CMYA5: variants seen among roughly 807,000 people sequenced by gnomAD.
The protein encoded by CMYA5 is cardiomyopathy-associated protein 5.
A neutral mutation model predicts 318.9 loss-of-function variants in CMYA5; 246 were observed. The ratio of observed to expected loss-of-function variants is 0.77; its 90% confidence interval spans 0.70 to 0.86. The LOEUF (loss-of-function observed/expected upper bound fraction) is 0.86, where lower values mean the gene tolerates loss of function less well. Ranked by LOEUF, CMYA5 falls within the 40% of genes least tolerant of loss-of-function variation. The pLI is 0.00. For synonymous variants in CMYA5, 1,641 were observed against 1,729.5 expected, an observed-to-expected ratio of 0.95 and a Z score of 1.27; for missense variants, 4,589 against 4,678.2, an observed-to-expected ratio of 0.98 and a Z score of 0.56.
intron 9 of CMYA5, 133 bp downstream of exon 9, chr5:79,763,342 G>C: frequency 1.3e-6 from 1 of 763,072 alleles, no homozygotes. Flanking sequence ...TGAAGCCGCT[G>C]ACTTGATTTG....
intron 5 of CMYA5, among the ~76,000 whole-genome samples, chr5:79,750,137 A>G (rs1192716958): frequency 1.3e-5 from 2 of 152,122 alleles, no homozygotes; most frequent in Non-Finnish European, 2.9e-5. Flanking sequence ...ATGACATTAC[A>G]AGAAGAAGTT....
chr5:79,692,080 A>ATGATAGCTTCT lies in CMYA5; in HGVS notation c.149+2024_149+2025insTGATAGCTTCT, dbSNP rs1826979798. On this transcript the variant is annotated intron_variant, in intron 1 of 12. Coordinates refer to ENST00000446378, the MANE Select transcript of CMYA5 (RefSeq NM_153610.5). ...GTTTTATCATGCAGATGAAGCCTCC[A>ATGATAGCTTCT]GGTAGCCAGCTGGAGAGAGAATAGA... Among the ~76,000 whole-genome samples, 4 of 152,340 alleles carry ATGATAGCTTCT rather than the reference A, an allele frequency of 2.6e-5. No individual in the cohort carries two copies. The South Asian group carries it at 8.3e-4, about 32-fold the overall frequency.
chr5:79,786,102 A>G (rs1829077326), intron 9 of CMYA5, among the ~76,000 whole-genome samples: 1 of 152,208 alleles, frequency 6.6e-6, no homozygotes, highest in African/African-American at 2.4e-5. Flanking sequence ...GCTTTGTAGC[A>G]GTGGAGCTAC....
intron 5 of CMYA5, among the ~76,000 whole-genome samples, chr5:79,747,805 C>A (rs929945794): frequency 1.3e-5 from 2 of 152,152 alleles, no homozygotes; most frequent in African/African-American, 4.8e-5. Flanking sequence ...GAGGTCTTTC[C>A]TTCTGGTTTG....
At chr5:79,726,361 G>T (rs1462786429) in intron 1 of CMYA5, among the ~76,000 whole-genome samples, 1 of 152,136 alleles carries the variant, frequency 6.6e-6, no homozygotes, top group Non-Finnish European at 1.5e-5. Context: ...TAAGTGACAT[G>T]GAAGAGAGAA....
chr5:79,740,119 A>G (rs1004676544), intron 2 of CMYA5, among the ~76,000 whole-genome samples: 7 of 152,236 alleles, frequency 4.6e-5, no homozygotes, highest in Non-Finnish European at 7.3e-5. Context: ...TATTTAAAGT[A>G]TAGGAGAGGA....
chr5:79,777,766 A>G (rs931829861), intron 9 of CMYA5, among the ~76,000 whole-genome samples: 4 of 151,476 alleles, frequency 2.6e-5, no homozygotes, highest in Non-Finnish European at 5.9e-5. Context: ...CAAGAGTGAC[A>G]CTGCATCTTA....
intron 1 of CMYA5, among the ~76,000 whole-genome samples, chr5:79,717,940 G>A: frequency 2.2e-5 from 1 of 44,820 alleles, no homozygotes; most frequent in African/African-American, 1.9e-4. Flanking sequence ...CCAGGCTGGA[G>A]TGCAGTGGCG....
At position 79,709,218 on chromosome 5, in the gene CMYA5, A is replaced by C. The variant is rs534177819; in HGVS notation, c.149+19162A>C. ...AACCTCTCTGGAGGGAAAACTGTCAATATGTGTAAAAAGCCTGAAAAAATT... is the reference window on the plus strand; with the variant it reads ...AACCTCTCTGGAGGGAAAACTGTCACTATGTGTAAAAAGCCTGAAAAAATT... On this transcript the variant is annotated intron_variant, in intron 1 of 12. Coordinates refer to ENST00000446378, the MANE Select transcript of CMYA5 (RefSeq NM_153610.5). 6.9e-4 allele frequency among the ~76,000 whole-genome samples: 105 copies of C among 152,310 alleles called. 1 individual carries two copies. The highest frequency in any genetic ancestry group is 1.5e-4 in the Non-Finnish European group (10 of 68,032).
At chr5:79,796,124 A>G (rs1829271106) in intron 12 of CMYA5, among the ~76,000 whole-genome samples, 1 of 152,090 alleles carries the variant, frequency 6.6e-6, no homozygotes, top group South Asian at 2.1e-4. Context: ...GGAATGACCA[A>G]CGCTGGGCCT....
At position 79,737,641 on chromosome 5, in the gene CMYA5, C is replaced by T. The variant is rs772269585; in HGVS notation, c.8876C>T (p.Pro2959Leu). ...TGTGAGATATTGAATATTCATGCTC[C>T]GGCCTTTATTTCTTCAATCGATCAG... Reference protein sequence around the residue: ...EGCEILNIHAPAFISSIDQEE... With the variant: ...EGCEILNIHALAFISSIDQEE... Residue 2959 changes from proline to leucine, a missense_variant, in exon 2 of 13, where the codon CCG becomes CTG. By Grantham distance (98) the Pro-to-Leu change is moderately conservative. This residue lies in a region of CMYA5 where 2,431 missense variants were observed against 2,495.1 expected (regional missense o/e 0.97). Coordinates refer to ENST00000446378, the MANE Select transcript of CMYA5 (RefSeq NM_153610.5). 208 of 1,613,314 alleles carry T rather than the reference C, an allele frequency of 1.3e-4. No individual in the cohort carries two copies. The highest frequency in any genetic ancestry group is 3.3e-4 in the Middle Eastern group (2 of 6,084).
chr5:79,729,543 A>G lies in CMYA5; in HGVS notation c.778A>G (p.Arg260Gly). Residue 260 changes from arginine (R) to glycine (G), a missense_variant, in exon 2 of 13, where the codon AGG becomes GGG. Around this residue, in one of 3 missense-constraint regions of CMYA5, gnomAD observed 2,132 missense variants for 2,131.3 expected, o/e 1.00. Coordinates refer to ENST00000446378, the MANE Select transcript of CMYA5 (RefSeq NM_153610.5). ...TTATGTAATTAAAGAAATACATTAT[A>G]GGAAAGGGAAAGATGCATCCATTAG... ...KGYVIKEIHY[R>G]KGKDASISLE... The G allele has an allele frequency of 6.2e-7, 1 of 1,613,358 alleles. No individual in the cohort carries two copies. The highest frequency in any genetic ancestry group is 8.5e-7 in the Non-Finnish European group (1 of 1,179,314).
intron 1 of CMYA5, among the ~76,000 whole-genome samples, chr5:79,719,860 GA>G (rs1827587307): frequency 6.6e-6 from 1 of 152,118 alleles, no homozygotes; most frequent in African/African-American, 2.4e-5. Context: ...GGCGGATATG[GA>G]AATAAAAGAC....
intron 9 of CMYA5, among the ~76,000 whole-genome samples, chr5:79,778,484 T>C (rs1236983374): frequency 6.6e-6 from 1 of 152,192 alleles, no homozygotes; most frequent in East Asian, 1.9e-4. Context: ...TATTTTAGTT[T>C]AACTGTGCAT....
intron 6 of CMYA5, among the ~76,000 whole-genome samples, chr5:79,755,975 AT>A (rs372203539): frequency 1.4e-3 from 215 of 152,346 alleles, no homozygotes; most frequent in African/African-American, 4.8e-3. Flanking sequence ...ATACAGCTCC[AT>A]GTATAATTCA....
Position 79,730,381 on chromosome 5 carries a change from G to A in CMYA5, c.1616G>A (p.Ser539Asn). ...EEIVELDYPESPLVSEKPFPP... is the reference protein window; with the variant it reads ...EEIVELDYPENPLVSEKPFPP... ...ATCGTAGAACTTGATTACCCAGAAA[G>A]CCCATTGGTTTCCGAGAAGCCCTTC... Residue 539 changes from serine to asparagine, a missense_variant, in exon 2 of 13, where the codon AGC (serine) becomes AAC (asparagine). Physicochemically the swap from Ser to Asn is conservative, Grantham distance 46. Transcript: ENST00000446378. The A allele has an allele frequency of 6.2e-7, 1 of 1,613,880 alleles. No individual in the cohort carries two copies.
chr5:79,726,389 A>C (rs1239419738), intron 1 of CMYA5, among the ~76,000 whole-genome samples: 11 of 152,168 alleles, frequency 7.2e-5, no homozygotes. Context: ...GATGAGTTGA[A>C]AGTTTTGTGG....
rs1038279202 is a variant in CMYA5, at chr5:79,789,253, G to A, written c.11689+149G>A. 26 of 821,500 alleles carry A rather than the reference G, an allele frequency of 3.2e-5. No individual in the cohort carries two copies. In the South Asian group the frequency reaches 5.3e-4, roughly 17 times the overall value. The allele number at this position is 821,500 out of a possible 1,614,324, so 50.9% of individuals were successfully genotyped here. On this transcript the variant is annotated intron_variant, in intron 10 of 12. Coordinates refer to ENST00000446378, the MANE Select transcript of CMYA5 (RefSeq NM_153610.5). ...TCATGAGGACCCAAGGTTGGTCAAA[G>A]GTCAAGATATTTCTTTTGTTTTTCT...
At chr5:79,750,263 A>T (rs1027797642) in intron 5 of CMYA5, among the ~76,000 whole-genome samples, 5 of 149,210 alleles carry the variant, frequency 3.4e-5, no homozygotes, top group African/African-American at 9.9e-5. Flanking sequence ...ATTAATAAAT[A>T]CAGTACAGTA....
Sources: gnomAD v4.1 joint callset for allele counts (sites outside exome capture counted in the v4.1 genomes callset) on GRCh38, gnomAD v4.1.1 for gene constraint, gnomAD v4.1.1 regional missense constraint, MANE v1.5 for transcripts, NCBI Gene and HGNC (gene_info 2026-07-23, HGNC 2026-07-21) for gene names.